SLC7A1: variants seen among roughly 807,000 people sequenced by gnomAD.
SLC7A1 encodes solute carrier family 7 member 1.
A neutral mutation model predicts 53.9 loss-of-function variants in SLC7A1; 10 were observed. The ratio of observed to expected loss-of-function variants is 0.19; its 90% CI spans 0.11 to 0.31. The LOEUF (loss-of-function observed/expected upper bound fraction) is 0.31, where lower values mean the gene tolerates loss of function less well. Among genes scored for constraint, SLC7A1 ranks in the 10% least tolerant of loss-of-function variants. The probability of loss-of-function intolerance (pLI) is 1.00; values close to 1 mark genes in which losing one functional copy is unlikely to be tolerated. For synonymous variants in SLC7A1, 342 were observed against 338.7 expected (o/e 1.01, Z -0.11); for missense variants, 525 against 827.2 (o/e 0.63, Z 4.48).
chr13:29,528,353 AG>A (rs1222083275), intron 5 of SLC7A1, among the ~76,000 whole-genome samples: 1 of 152,234 alleles, frequency 6.6e-6, no homozygotes, highest in Non-Finnish European at 1.5e-5. Flanking sequence ...CCTGAGTCAA[AG>A]GCACGAAGAG....
rs1883545395 is a variant in SLC7A1, at chr13:29,516,066, A to G, written c.1786+72T>C. 14 of 883,660 alleles carry G rather than the reference A, an allele frequency of 1.6e-5. 1 individual carries two copies. The South Asian group carries it at 2.2e-4, about 14-fold the overall frequency. 54.7% of individuals were successfully genotyped at this position (883,660 alleles called of 1,614,324 possible). ...CTGACTGGATGTGCGTCATTCTGTT[A>G]TGAAATCTGAAACAAGGGAGACCCC... On this transcript the variant is annotated intron_variant, in intron 12 of 12. Transcript: ENST00000380752.
chr13:29,538,964 A>G lies in SLC7A1; in HGVS notation c.-14-2762T>C, dbSNP rs1163916527. Among the ~76,000 whole-genome samples the G allele has an allele frequency of 3.9e-5, 6 of 152,222 alleles. No homozygotes were observed. The East Asian group carries it at 7.7e-4, about 20-fold the overall frequency. ...CACAGACAGTGCCTGCCTGCTCCCA[A>G]CCTCTCCCAGATGTCACTTCTGCTC... On this transcript the variant is annotated intron_variant, in intron 2 of 12. Transcript: ENST00000380752.
At chr13:29,538,022 C>T (rs1331521654) in intron 2 of SLC7A1, among the ~76,000 whole-genome samples, 1 of 152,174 alleles carries the variant, frequency 6.6e-6, no homozygotes, top group Non-Finnish European at 1.5e-5. Context: ...AGCTCCAGGT[C>T]GTGCAGCAAC....
intron 8 of SLC7A1, 124 bp from the exon 9 acceptor site, chr13:29,519,673 G>A: frequency 1.8e-6 from 1 of 565,098 alleles, no homozygotes; most frequent in Non-Finnish European, 3.1e-6. Context: ...CCCCCTCCCT[G>A]GCCTTCCCAT....
At chr13:29,546,480 G>A (rs1869927500) in intron 2 of SLC7A1, among the ~76,000 whole-genome samples, 1 of 152,134 alleles carries the variant, frequency 6.6e-6, no homozygotes, top group Non-Finnish European at 1.5e-5. Context: ...AAAGCAAAAG[G>A]AGAATCAGCA....
chr13:29,586,998 G>A (rs1381787654), intron 1 of SLC7A1, among the ~76,000 whole-genome samples: 1 of 152,234 alleles, frequency 6.6e-6, no homozygotes, highest in Non-Finnish European at 1.5e-5. Flanking sequence ...AGCAGGGTGT[G>A]TGGAGTCTGG....
intron 7 of SLC7A1, 129 bp from the exon 8 acceptor site, chr13:29,522,585 C>A: frequency 1.1e-6 from 1 of 921,520 alleles, no homozygotes; most frequent in Admixed American, 2.4e-5. Context: ...CGTCCCTCCA[C>A]GCTGGGTGAG....
intron 1 of SLC7A1, among the ~76,000 whole-genome samples, chr13:29,571,616 T>G (rs973033980): frequency 6.6e-6 from 1 of 152,210 alleles, no homozygotes; most frequent in East Asian, 1.9e-4. Context: ...TTTGGAAGCA[T>G]TACACTTCAT....
In SLC7A1 at chr13:29,513,229, G is replaced by A. The variant is rs1393241930; in HGVS notation, c.*1251C>T. 1.3e-5 allele frequency: 2 copies of A among 152,620 alleles called. No individual in the cohort carries two copies. The highest frequency in any genetic ancestry group is 2.9e-5 in the Non-Finnish European group (2 of 68,064). The allele number at this position is 152,620 out of a possible 1,614,324, so 9.5% of individuals were successfully genotyped here. A position where few individuals can be genotyped will look rare whatever the true frequency, so the allele number is the denominator to read the frequency against. ...GTCTCTCCCACTTGCAGAGGCGTGG[G>A]GTCCGAAGCATCCGGATGACAGATA... is the stretch of plus-strand genomic sequence containing the variant. On this transcript the variant is annotated 3_prime_UTR_variant, in exon 13 of 13. Coordinates refer to ENST00000380752, the MANE Select transcript of SLC7A1 (RefSeq NM_003045.5).
chr13:29,548,783 C>G (rs548177215), intron 2 of SLC7A1, among the ~76,000 whole-genome samples: 1 of 152,188 alleles, frequency 6.6e-6, no homozygotes, highest in Non-Finnish European at 1.5e-5. Flanking sequence ...ATTTGTTCCC[C>G]GGTCCCTGTT....
At chr13:29,587,903 G>A (rs1378109710) in intron 1 of SLC7A1, among the ~76,000 whole-genome samples, 1 of 152,154 alleles carries the variant, frequency 6.6e-6, no homozygotes, top group African/African-American at 2.4e-5. Flanking sequence ...ACGAGTCTGT[G>A]TGGCCAGGTC....
chr13:29,567,837 T>TC (rs1157983343), intron 1 of SLC7A1, among the ~76,000 whole-genome samples: 2 of 146,820 alleles, frequency 1.4e-5, no homozygotes, highest in African/African-American at 5.2e-5. Context: ...AGTCTTGGCC[T>TC]CTTTTTTTTT....
chr13:29,577,140 G>A (rs1365719964), intron 1 of SLC7A1, among the ~76,000 whole-genome samples: 1 of 152,198 alleles, frequency 6.6e-6, no homozygotes, highest in African/African-American at 2.4e-5. Flanking sequence ...ATCGGCAAAA[G>A]GTACAGTGAA....
rs532085551 is a variant in SLC7A1 at position 29,561,564 on chromosome 13, A to C, written c.-114-7704T>G. ...TACAATTAGTTTAATTTATCCTTTG[A>C]CATAAATATTGTCTTGAAATTTCCA... On this transcript the variant is annotated intron_variant, in intron 1 of 12. Coordinates refer to ENST00000380752, the MANE Select transcript of SLC7A1 (RefSeq NM_003045.5). 9.4e-4 allele frequency among the ~76,000 whole-genome samples: 143 copies of C among 152,354 alleles called. 1 individual carries two copies. The highest frequency in any genetic ancestry group is 6.8e-3 in the Middle Eastern group (2 of 294).
chr13:29,515,990 G>A (rs1252223313), intron 12 of SLC7A1, 148 bp downstream of exon 12: 1 of 569,496 alleles, frequency 1.8e-6, no homozygotes, highest in Admixed American at 3.1e-5. Flanking sequence ...CTAACAGGGA[G>A]GAGAGGACTC....
intron 1 of SLC7A1, among the ~76,000 whole-genome samples, chr13:29,579,138 T>G (rs989326664): frequency 1.3e-5 from 2 of 152,248 alleles, no homozygotes; most frequent in Admixed American, 6.5e-5. Context: ...TTTCCTTTGA[T>G]GAAGCCTGTA....
In SLC7A1 at chr13:29,566,736, A is replaced by G. The variant is rs567418313; in HGVS notation, c.-114-12876T>C. ...AAAAATCACTGAATTTATACTTTCA[A>G]TAGGTGAGCTTTATACTATGTAAAT... On this transcript the variant is annotated intron_variant, in intron 1 of 12. Transcript: ENST00000380752. 3.3e-5 allele frequency among the ~76,000 whole-genome samples: 5 copies of G among 152,306 alleles called. No individual in the cohort carries two copies. The East Asian group carries it at 7.7e-4, about 23-fold the overall frequency.
intron 5 of SLC7A1, among the ~76,000 whole-genome samples, chr13:29,526,517 AT>A (rs1352468192): frequency 6.6e-6 from 1 of 151,122 alleles, no homozygotes; most frequent in African/African-American, 2.5e-5. Context: ...AAATTAAAAA[AT>A]AAATAAATAA....
At chr13:29,567,252 T>TG (rs890667489) in intron 1 of SLC7A1, among the ~76,000 whole-genome samples, 7 of 151,906 alleles carry the variant, frequency 4.6e-5, no homozygotes, top group African/African-American at 1.4e-4. Context: ...GCCATACACG[T>TG]GGTTTTTAAG....
Sources: allele counts gnomAD v4.1 joint callset (sites outside exome capture counted in the v4.1 genomes callset), GRCh38; gene constraint gnomAD v4.1.1; transcripts MANE v1.5; gene names NCBI Gene and HGNC (gene_info 2026-07-23, HGNC 2026-07-21).